Variants in ERP27 observed in about 807,000 individuals in gnomAD.
ERP27 encodes endoplasmic reticulum protein 27, also known as endoplasmic reticulum resident protein 27.
A neutral mutation model predicts 27.7 loss-of-function variants in ERP27; 23 were observed. The ratio of observed to expected loss-of-function variants is 0.83; its 90% CI spans 0.60 to 1.18. The LOEUF (loss-of-function observed/expected upper bound fraction) is 1.18. Among genes scored for constraint, ERP27 ranks in the 50% most tolerant of loss-of-function variants. ERP27 has a pLI of 0.00. For missense variants in ERP27, 363 were observed against 327.9 expected (o/e 1.11, Z -0.83); for synonymous variants, 159 against 118.3 (o/e 1.34, Z -2.23).
chr12:14,919,007 A>G (rs146778457), intron 4 of ERP27, among the ~76,000 whole-genome samples: 1,617 of 152,324 alleles, frequency 0.011, 10 homozygotes, highest in Middle Eastern at 0.024. Context: ...GATTGACCAT[A>G]GCCGAATGGA....
At chr12:14,934,715 CA>C (rs1276598950) in intron 3 of ERP27, 140 bp downstream of exon 3, 1 of 1,041,380 alleles carries the variant, frequency 9.6e-7, no homozygotes, top group African/African-American at 1.6e-5. Flanking sequence ...TGAATTGAGT[CA>C]TCATCCTTGT....
chr12:14,928,005 C>T (rs1242558150), intron 3 of ERP27, among the ~76,000 whole-genome samples: 1 of 152,166 alleles, frequency 6.6e-6, no homozygotes, highest in East Asian at 1.9e-4. Context: ...GATAGTGCCT[C>T]CACCATCCAT....
At position 14,921,368 on chromosome 12, in the gene ERP27, A is replaced by G. The variant is rs1484213209; in HGVS notation, c.334-320T>C. Among the ~76,000 whole-genome samples, 3 of 152,220 alleles carry G rather than the reference A, an allele frequency of 2.0e-5. No individual in the cohort carries two copies. The East Asian group carries it at 5.8e-4, about 29-fold the overall frequency. On this transcript the variant is annotated intron_variant, in intron 3 of 6. Coordinates refer to ENST00000266397, the MANE Select transcript of ERP27 (RefSeq NM_152321.4). ...TTGATCAGATAAATGAGGATGAGGA[A>G]GGAGCTTTAAATAGAGAACAGCATA... is the stretch of plus-strand genomic sequence containing the variant.
Position 14,917,176 on chromosome 12 carries a change from A to C in ERP27, c.576+2T>G. 3.7e-6 allele frequency: 6 copies of C among 1,613,904 alleles called. No homozygotes were observed. The highest frequency in any genetic ancestry group is 5.1e-6 in the Non-Finnish European group (6 of 1,179,960). On this transcript the variant is annotated splice_donor_variant, in intron 5 of 6. Transcript: ENST00000266397. LOFTEE classifies it high-confidence loss of function. Reference sequence around the variant, plus strand: ...AATAGGATATTCCCATTCTTGCCTTACCTTCCCCTGGAAGAGCTTGGCTGC... The same window carrying C: ...AATAGGATATTCCCATTCTTGCCTTCCCTTCCCCTGGAAGAGCTTGGCTGC...
intron 2 of ERP27, 93 bp downstream of exon 2, chr12:14,937,859 T>C: frequency 1.0e-6 from 1 of 1,002,036 alleles, no homozygotes; most frequent in Non-Finnish European, 1.5e-6. Context: ...CCACTTCTAA[T>C]GCAGTGCCAT....
intron 3 of ERP27, among the ~76,000 whole-genome samples, chr12:14,925,053 CA>C (rs931638176): frequency 6.6e-6 from 1 of 152,052 alleles, no homozygotes; most frequent in Non-Finnish European, 1.5e-5. Flanking sequence ...AAGAAATAAC[CA>C]AAAAAATGGA....
rs530378594 is a variant in ERP27 at position 14,928,400 on chromosome 12, T to C, written c.333+6456A>G. ...CTCTTTTCTTCAAGAGGGTCTCCCATTGGGGTAACTAAAAGCAATAAGAAC... is the reference window on the plus strand; with the variant it reads ...CTCTTTTCTTCAAGAGGGTCTCCCACTGGGGTAACTAAAAGCAATAAGAAC... On this transcript the variant is annotated intron_variant, in intron 3 of 6. Transcript: ENST00000266397. 4.2e-4 allele frequency among the ~76,000 whole-genome samples: 64 copies of C among 152,322 alleles called. No individual in the cohort carries two copies. In the East Asian group the frequency reaches 7.3e-3, roughly 17 times the overall value.
At chr12:14,928,654 T>G (rs886938538) in intron 3 of ERP27, among the ~76,000 whole-genome samples, 2 of 152,210 alleles carry the variant, frequency 1.3e-5, no homozygotes, top group Non-Finnish European at 2.9e-5. Flanking sequence ...ACAGAAAAGT[T>G]TGTATTTCTA....
At chr12:14,915,062 A>G (rs749818310) in intron 6 of ERP27, among the ~76,000 whole-genome samples, 1 of 152,190 alleles carries the variant, frequency 6.6e-6, no homozygotes, top group Non-Finnish European at 1.5e-5. Flanking sequence ...TTTTAATCAA[A>G]TCTAGTAGAG....
At chr12:14,915,758 A>T in intron 5 of ERP27, 72 bp from the exon 6 acceptor site, 1 of 1,356,270 alleles carries the variant, frequency 7.4e-7, no homozygotes, top group South Asian at 1.2e-5. Flanking sequence ...ATACCTTGTA[A>T]TTGTTGCAGC....
chr12:14,921,181 G>A (rs1353027852), intron 3 of ERP27, 133 bp from the exon 4 acceptor site: 9 of 690,366 alleles, frequency 1.3e-5, no homozygotes, highest in Non-Finnish European at 1.7e-5. Context: ...GAGTTTCTCT[G>A]CCCTAGGGGG....
rs368567304 is a variant in ERP27 at position 14,923,767 on chromosome 12, G to C, written c.334-2719C>G. On this transcript the variant is annotated intron_variant, in intron 3 of 6. Coordinates refer to ENST00000266397, the MANE Select transcript of ERP27 (RefSeq NM_152321.4). ...TGTACATATTTATGGGGTATAGTGTGATGTTTCAATACATGTATACATTGT... is the reference window on the plus strand; with the variant it reads ...TGTACATATTTATGGGGTATAGTGTCATGTTTCAATACATGTATACATTGT... 7.9e-5 allele frequency among the ~76,000 whole-genome samples: 12 copies of C among 152,192 alleles called. No homozygotes were observed. The East Asian group carries it at 2.3e-3, about 29-fold the overall frequency.
At chr12:14,916,196 A>G (rs1294000235) in intron 5 of ERP27, among the ~76,000 whole-genome samples, 1 of 152,146 alleles carries the variant, frequency 6.6e-6, no homozygotes, top group Non-Finnish European at 1.5e-5. Context: ...ATTTCCTATT[A>G]TTTTGTGTTG....
In ERP27 at chr12:14,914,764, C is replaced by A; in HGVS notation, c.793G>T (p.Glu265Ter). 6.2e-7 allele frequency: 1 copy of A among 1,613,804 alleles called. No individual in the cohort carries two copies. Among genetic ancestry groups the A allele is most frequent in the South Asian group, 1.1e-5 (1 of 91,056 alleles). The change falls in exon 7 of 7, where the codon GAA becomes TAA. Residue 265 changes from glutamate to a stop codon, truncating the protein, a stop_gained. Coordinates refer to ENST00000266397, the MANE Select transcript of ERP27 (RefSeq NM_152321.4). LOFTEE classifies it high-confidence loss of function. Reference sequence around the variant, plus strand: ...AGTTCCACCTTTGGAGTCTTTCCTTCTGATTCACGATTTTCTTTCTGGAAA... The same window carrying A: ...AGTTCCACCTTTGGAGTCTTTCCTTATGATTCACGATTTTCTTTCTGGAAA... ...GKLLKENRES[E>*]GKTPKVEL
In ERP27 at chr12:14,914,185, G is replaced by C. The variant is rs1288749260; in HGVS notation, c.*550C>G. The C allele has an allele frequency of 6.6e-6, 1 of 152,344 alleles. No homozygotes were observed. Among genetic ancestry groups the C allele is most frequent in the Non-Finnish European group, 1.5e-5 (1 of 68,156 alleles). The allele number at this position is 152,344 out of a possible 1,614,324, so 9.4% of individuals were successfully genotyped here. Reference sequence around the variant, plus strand: ...GACAGCCTTTAACTTCTGGCAAAAAGACAATTTCACAAAGGTGTTTAAAAC... The same window carrying C: ...GACAGCCTTTAACTTCTGGCAAAAACACAATTTCACAAAGGTGTTTAAAAC... On this transcript the variant is annotated 3_prime_UTR_variant, in exon 7 of 7. Transcript: ENST00000266397.
intron 2 of ERP27, chr12:14,935,248 T>C: frequency 1.4e-6 from 1 of 734,704 alleles, no homozygotes; most frequent in East Asian, 1.3e-4. Context: ...GTCATAGAGC[T>C]TGAAGTTTAC....
Position 14,914,612 on chromosome 12 carries a change from A to G in ERP27, c.*123T>C, listed in dbSNP as rs966691093. The G allele has an allele frequency of 4.1e-6, 3 of 740,362 alleles. No homozygotes were observed. The highest frequency in any genetic ancestry group is 2.6e-4 in the Middle Eastern group (1 of 3,800). The allele number at this position is 740,362 out of a possible 1,614,324, so 45.9% of individuals were successfully genotyped here. On this transcript the variant is annotated 3_prime_UTR_variant, in exon 7 of 7. Coordinates refer to ENST00000266397, the MANE Select transcript of ERP27 (RefSeq NM_152321.4). The stretch of plus-strand genomic sequence containing the variant: ...TGTGCACGCGTGCGTGCGTGTGTGC[A>G]CGTGCGTGTGTGTGTGGTTGGCAGG...
At chr12:14,919,579 A>G (rs1863468184) in intron 4 of ERP27, among the ~76,000 whole-genome samples, 1 of 152,202 alleles carries the variant, frequency 6.6e-6, no homozygotes, top group Non-Finnish European at 1.5e-5. Flanking sequence ...AGATGGTGTG[A>G]GAGGTAGGCC....
chr12:14,915,186 T>A (rs971354717), intron 6 of ERP27, among the ~76,000 whole-genome samples: 1 of 152,220 alleles, frequency 6.6e-6, no homozygotes, highest in Non-Finnish European at 1.5e-5. Flanking sequence ...GTATACAGCT[T>A]GTAATGATCA....
Sources: allele counts gnomAD v4.1 joint callset (sites outside exome capture counted in the v4.1 genomes callset), GRCh38; gene constraint gnomAD v4.1.1; transcripts MANE v1.5; gene names NCBI Gene and HGNC (gene_info 2026-07-23, HGNC 2026-07-21).